The following SPAG16 variants were observed in gnomAD, a reference collection of about 807,000 sequenced individuals.
SPAG16 encodes the protein sperm-associated antigen 16 protein.
A neutral mutation model predicts 80.4 loss-of-function variants in SPAG16; 86 were observed. The ratio of observed to expected loss-of-function variants is 1.07; its 90% CI spans 0.90 to 1.28. SPAG16 has a LOEUF of 1.28. SPAG16 is among the 50% of genes most tolerant of loss of function. SPAG16 has a pLI of 0.00. For missense variants in SPAG16, 870 were observed against 765.3 expected (o/e 1.14, Z -1.61); for synonymous variants, 294 against 265.9 (o/e 1.11, Z -1.03).
At chr2:213,627,873 G>GT (rs1312644005) in intron 10 of SPAG16, among the ~76,000 whole-genome samples, 3 of 152,174 alleles carry the variant, frequency 2.0e-5, no homozygotes, top group Non-Finnish European at 4.4e-5. Flanking sequence ...ACAAAATAGC[G>GT]TGAGTGCTTC....
intron 12 of SPAG16, among the ~76,000 whole-genome samples, chr2:214,012,271 T>TAG (rs2124948349): frequency 2.2e-5 from 1 of 45,144 alleles, no homozygotes; most frequent in Non-Finnish European, 4.7e-5. Flanking sequence ...TATATATATA[T>TAG]ATATATATAT....
chr2:213,722,828 A>G (rs1208736309), intron 10 of SPAG16, among the ~76,000 whole-genome samples: 1 of 152,162 alleles, frequency 6.6e-6, no homozygotes, highest in Admixed American at 6.5e-5. Flanking sequence ...CTGTACAGAA[A>G]AAAAAATAGG....
At position 213,707,076 on chromosome 2, in the gene SPAG16, T is replaced by C. The variant is rs1439532346; in HGVS notation, c.1071-155409T>C. On this transcript the variant is annotated intron_variant, in intron 10 of 15. Transcript: ENST00000331683. ...CTTCTGTCATATTCTATTGGTCACA[T>C]AGGCCAGTACTGTTTCACTGTGGGA... is the stretch of plus-strand genomic sequence containing the variant. Among the ~76,000 whole-genome samples the C allele has an allele frequency of 2.0e-5, 3 of 152,236 alleles. No homozygotes were observed. The East Asian group carries it at 5.8e-4, about 29-fold the overall frequency.
chr2:213,865,229 C>T (rs2075639066), intron 11 of SPAG16, among the ~76,000 whole-genome samples: 1 of 151,606 alleles, frequency 6.6e-6, no homozygotes. Flanking sequence ...AATTCTTTAC[C>T]CAAAATCTAG....
intron 10 of SPAG16, among the ~76,000 whole-genome samples, chr2:213,775,353 TAA>T (rs2125563914): frequency 6.6e-6 from 1 of 152,232 alleles, no homozygotes; most frequent in East Asian, 1.9e-4. Flanking sequence ...TGTATACAAC[TAA>T]GTTTGAAGAT....
chr2:213,642,164 G>A (rs1388031710), intron 10 of SPAG16, among the ~76,000 whole-genome samples: 1 of 152,186 alleles, frequency 6.6e-6, no homozygotes, highest in Non-Finnish European at 1.5e-5. Context: ...CGCACTTTGG[G>A]AACGCACAAT....
At chr2:214,286,011 G>T (rs1693329617) in intron 15 of SPAG16, among the ~76,000 whole-genome samples, 1 of 151,540 alleles carries the variant, frequency 6.6e-6, no homozygotes, top group Non-Finnish European at 1.5e-5. Flanking sequence ...ATATGTGTAG[G>T]TCTTATTCCA....
intron 13 of SPAG16, among the ~76,000 whole-genome samples, chr2:214,100,862 T>A (rs746366792): frequency 2.0e-5 from 3 of 152,070 alleles, no homozygotes; most frequent in Non-Finnish European, 4.4e-5. Context: ...TATGGGTGCA[T>A]GTGTCTTTAT....
At chr2:213,665,997 G>A (rs2063586254) in intron 10 of SPAG16, among the ~76,000 whole-genome samples, 1 of 152,118 alleles carries the variant, frequency 6.6e-6, no homozygotes, top group Admixed American at 6.6e-5. Flanking sequence ...AGGCAGAGAA[G>A]GCCTTATTGG....
intron 15 of SPAG16, among the ~76,000 whole-genome samples, chr2:214,255,814 G>A (rs1264945641): frequency 6.6e-6 from 1 of 151,846 alleles, no homozygotes; most frequent in African/African-American, 2.4e-5. Context: ...CCTTATTTCT[G>A]AGTAGTATTC....
At chr2:214,269,794 G>A (rs896056347) in intron 15 of SPAG16, among the ~76,000 whole-genome samples, 10 of 152,096 alleles carry the variant, frequency 6.6e-5, no homozygotes, top group African/African-American at 2.2e-4. Flanking sequence ...TCTGTGAGAA[G>A]AATCTATCTT....
intron 13 of SPAG16, among the ~76,000 whole-genome samples, chr2:214,098,506 A>G (rs1345488675): frequency 6.6e-6 from 1 of 152,098 alleles, no homozygotes; most frequent in African/African-American, 2.4e-5. Context: ...ATGAACATAT[A>G]GGGGGATGAC....
At chr2:213,542,858 A>G (rs1170525397) in intron 10 of SPAG16, among the ~76,000 whole-genome samples, 1 of 152,126 alleles carries the variant, frequency 6.6e-6, no homozygotes, top group Non-Finnish European at 1.5e-5. Flanking sequence ...ATTAATCCCA[A>G]TGTAAGCAGT....
Position 213,407,157 on chromosome 2 carries a change from A to G in SPAG16, c.942+32038A>G, listed in dbSNP as rs140898839. On this transcript the variant is annotated intron_variant, in intron 9 of 15. Transcript: ENST00000331683. Reference sequence around the variant, plus strand: ...AGTGTTGTTCGTGTGGATGGTGACAAGTCCTACTGCTGGACAGTGTGAGTG... The same window carrying G: ...AGTGTTGTTCGTGTGGATGGTGACAGGTCCTACTGCTGGACAGTGTGAGTG... Among the ~76,000 whole-genome samples the G allele has an allele frequency of 2.0e-3, 305 of 152,278 alleles. 2 individuals carry two copies. The highest frequency in any genetic ancestry group is 7.1e-3 in the African/African-American group (297 of 41,566).
In SPAG16 at chr2:213,817,991, A is replaced by G. The variant is rs553430551; in HGVS notation, c.1071-44494A>G. On this transcript the variant is annotated intron_variant, in intron 10 of 15. Transcript: ENST00000331683. The stretch of plus-strand genomic sequence containing the variant: ...AAAATAAAAGTTGAAATTATTAAAA[A>G]GTAAAGGAACTGGAAGGCGTTAAAT... 3.9e-5 allele frequency among the ~76,000 whole-genome samples: 6 copies of G among 152,314 alleles called. No homozygotes were observed. The East Asian group carries it at 1.2e-3, about 29-fold the overall frequency.
chr2:213,823,074 C>T (rs1255446350), intron 10 of SPAG16, among the ~76,000 whole-genome samples: 1 of 152,086 alleles, frequency 6.6e-6, no homozygotes, highest in Non-Finnish European at 1.5e-5. Context: ...ATTTATATTC[C>T]TTTGAGTATA....
At chr2:213,908,599 T>C (rs1265270964) in intron 11 of SPAG16, among the ~76,000 whole-genome samples, 1 of 152,146 alleles carries the variant, frequency 6.6e-6, no homozygotes, top group Non-Finnish European at 1.5e-5. Flanking sequence ...ATAATACCTA[T>C]ATATAGTGCT....
chr2:213,517,328 A>T (rs1213297976), intron 10 of SPAG16, among the ~76,000 whole-genome samples: 2 of 152,182 alleles, frequency 1.3e-5, no homozygotes, highest in Non-Finnish European at 2.9e-5. Flanking sequence ...ATAAAGAGAA[A>T]ATCATTCCAT....
At chr2:213,675,103 T>A (rs1055104170) in intron 10 of SPAG16, among the ~76,000 whole-genome samples, 4 of 152,010 alleles carry the variant, frequency 2.6e-5, no homozygotes, top group Non-Finnish European at 5.9e-5. Context: ...GATATCTCAC[T>A]GTGGTTTTGA....
Sources: gnomAD v4.1 joint callset for allele counts (sites outside exome capture counted in the v4.1 genomes callset) on GRCh38, gnomAD v4.1.1 for gene constraint, MANE v1.5 for transcripts, NCBI Gene and HGNC (gene_info 2026-07-23, HGNC 2026-07-21) for gene names.